The following GPC5 variants were observed in gnomAD, a reference collection of about 807,000 sequenced individuals.
GPC5 encodes the protein glypican 5, also known as glypican-5.
A neutral mutation model predicts 53.9 loss-of-function variants in GPC5; 47 were observed. The ratio of observed to expected loss-of-function variants is 0.87; its 90% CI spans 0.69 to 1.11. The LOEUF (loss-of-function observed/expected upper bound fraction) is 1.11. Among genes scored for constraint, GPC5 ranks in the 50% most tolerant of loss-of-function variants. The pLI, the probability that GPC5 is intolerant of heterozygous loss-of-function variation, is 0.00. For synonymous variants in GPC5, 286 were observed against 263.3 expected, an observed-to-expected ratio of 1.09 and a Z score of -0.84; for missense variants, 748 against 713.1, an observed-to-expected ratio of 1.05 and a Z score of -0.56.
intron 2 of GPC5, among the ~76,000 whole-genome samples, chr13:91,496,888 A>G (rs745855223): frequency 1.8e-4 from 27 of 152,230 alleles, no homozygotes; most frequent in Non-Finnish European, 3.4e-4. Context: ...CATGTACCCC[A>G]TAAATATATG....
intron 2 of GPC5, among the ~76,000 whole-genome samples, chr13:91,511,669 A>G (rs960661235): frequency 2.6e-5 from 4 of 151,334 alleles, no homozygotes; most frequent in Non-Finnish European, 5.9e-5. Context: ...TGAATTCTTC[A>G]TTTCTGATCA....
intron 4 of GPC5, among the ~76,000 whole-genome samples, chr13:91,736,437 C>G (rs1209049534): frequency 6.6e-6 from 1 of 150,944 alleles, no homozygotes; most frequent in Non-Finnish European, 1.5e-5. Flanking sequence ...TTTCCACAAT[C>G]TTTTTTTTGC....
intron 6 of GPC5, among the ~76,000 whole-genome samples, chr13:92,136,086 G>A (rs762210872): frequency 1.3e-5 from 2 of 151,976 alleles, no homozygotes; most frequent in Non-Finnish European, 2.9e-5. Flanking sequence ...ATAGTTTGGG[G>A]ATTGGGGAAA....
chr13:92,547,639 A>G (rs910150487), intron 7 of GPC5, among the ~76,000 whole-genome samples: 1 of 152,098 alleles, frequency 6.6e-6, no homozygotes, highest in Non-Finnish European at 1.5e-5. Flanking sequence ...GGTTTTCAAG[A>G]TCTATTCTTC....
intron 7 of GPC5, among the ~76,000 whole-genome samples, chr13:92,218,082 G>A (rs2139084089): frequency 6.6e-6 from 1 of 151,552 alleles, no homozygotes; most frequent in East Asian, 2.0e-4. Context: ...TGCCACCATG[G>A]CTGACTAATT....
intron 6 of GPC5, among the ~76,000 whole-genome samples, chr13:91,975,001 C>G (rs1337065541): frequency 5.9e-5 from 9 of 152,112 alleles, no homozygotes; most frequent in East Asian, 3.9e-4. Context: ...ACAAACCTGA[C>G]AAAAACAAGC....
At chr13:92,102,510 A>G (rs1008045237) in intron 6 of GPC5, among the ~76,000 whole-genome samples, 1 of 152,180 alleles carries the variant, frequency 6.6e-6, no homozygotes, top group Non-Finnish European at 1.5e-5. Flanking sequence ...GTGACTCAGA[A>G]TAAGACAATG....
At chr13:91,952,818 A>G (rs1308523105) in intron 6 of GPC5, among the ~76,000 whole-genome samples, 1 of 152,148 alleles carries the variant, frequency 6.6e-6, no homozygotes, top group Non-Finnish European at 1.5e-5. Context: ...CTAAACTGAA[A>G]CTGTGAATGC....
At chr13:92,207,702 C>A (rs7998228) in intron 7 of GPC5, among the ~76,000 whole-genome samples, 87,910 of 152,058 alleles carry the variant, frequency 0.58, 26,029 homozygotes, top group Middle Eastern at 0.7. Flanking sequence ...ATTGCCTATT[C>A]CAATTCTTTT....
chr13:92,784,751 A>G (rs1227398582), intron 7 of GPC5, among the ~76,000 whole-genome samples: 6 of 152,154 alleles, frequency 3.9e-5, no homozygotes. Context: ...ATCAAACTAA[A>G]AAATCATTAC....
chr13:92,122,084 T>C (rs147813239), intron 6 of GPC5, among the ~76,000 whole-genome samples: 1 of 152,284 alleles, frequency 6.6e-6, no homozygotes, highest in Non-Finnish European at 1.5e-5. Context: ...CATCACATGG[T>C]ATACCGAAAT....
Position 92,733,105 on chromosome 13 carries a change from A to T in GPC5, c.1562-133177A>T, listed in dbSNP as rs569446485. Among the ~76,000 whole-genome samples the T allele has an allele frequency of 5.9e-5, 9 of 151,864 alleles. No individual in the cohort carries two copies. The East Asian group carries it at 1.7e-3, about 30-fold the overall frequency. On this transcript the variant is annotated intron_variant, in intron 7 of 7. Coordinates refer to ENST00000377067, the MANE Select transcript of GPC5 (RefSeq NM_004466.6). The stretch of plus-strand genomic sequence containing the variant: ...ATAATCTTGCTCTCACTAATGACAG[A>T]TATCATCATGCAATTTATGGTTTGA...
At chr13:92,186,287 T>G (rs1436983548) in intron 7 of GPC5, among the ~76,000 whole-genome samples, 1 of 151,962 alleles carries the variant, frequency 6.6e-6, no homozygotes, top group Non-Finnish European at 1.5e-5. Context: ...CATTTCAGCT[T>G]TGAAATTTGG....
chr13:91,832,837 A>G (rs2038678130), intron 5 of GPC5, among the ~76,000 whole-genome samples: 2 of 152,156 alleles, frequency 1.3e-5, no homozygotes, highest in South Asian at 2.1e-4. Context: ...AAAGAACTAG[A>G]GAAGCAAGAG....
intron 2 of GPC5, among the ~76,000 whole-genome samples, chr13:91,517,868 C>T (rs1275543453): frequency 2.0e-5 from 3 of 152,172 alleles, no homozygotes; most frequent in African/African-American, 7.2e-5. Context: ...ATAAACCCAT[C>T]AGATCTTGTG....
At position 91,632,622 on chromosome 13, in the gene GPC5, G is replaced by A. The variant is rs367731177; in HGVS notation, c.326-60565G>A. Among the ~76,000 whole-genome samples the A allele has an allele frequency of 2.2e-3, 336 of 152,170 alleles. 2 individuals carry two copies. The highest frequency in any genetic ancestry group is 7.7e-3 in the African/African-American group (320 of 41,520). ...AGAAGGAAATGTGGAACCTCAAAGC[G>A]AAGTCAGTCACTTTAAACTTACCTG... On this transcript the variant is annotated intron_variant, in intron 2 of 7. Transcript: ENST00000377067.
chr13:91,933,052 T>G (rs2039836411), intron 6 of GPC5, among the ~76,000 whole-genome samples: 1 of 152,010 alleles, frequency 6.6e-6, no homozygotes, highest in Non-Finnish European at 1.5e-5. Flanking sequence ...ATTTCCCTTA[T>G]CTGTCAAAGG....
chr13:92,202,162 A>G (rs2042299834), intron 7 of GPC5, among the ~76,000 whole-genome samples: 1 of 152,192 alleles, frequency 6.6e-6, no homozygotes, highest in African/African-American at 2.4e-5. Flanking sequence ...TTTAAGAATG[A>G]TGGTTTGAAA....
At chr13:91,482,025 C>A (rs1332132642) in intron 2 of GPC5, among the ~76,000 whole-genome samples, 1 of 152,116 alleles carries the variant, frequency 6.6e-6, no homozygotes, top group Non-Finnish European at 1.5e-5. Flanking sequence ...TATCCCATAT[C>A]CAAAAGTCTA....
Sources: allele counts gnomAD v4.1 joint callset (sites outside exome capture counted in the v4.1 genomes callset), GRCh38; gene constraint gnomAD v4.1.1; transcripts MANE v1.5; gene names NCBI Gene and HGNC (gene_info 2026-07-23, HGNC 2026-07-21).